NUP160: variants seen among roughly 807,000 people sequenced by gnomAD.
NUP160 encodes nucleoporin 160, also known as nuclear pore complex protein Nup160.
A neutral mutation model predicts 196.9 loss-of-function variants in NUP160; 94 were observed. The ratio of observed to expected loss-of-function variants is 0.48; its 90% confidence interval spans 0.40 to 0.57. NUP160 has a LOEUF of 0.57. NUP160 is among the 20% of genes least tolerant of loss of function. The pLI, the probability that NUP160 is intolerant of heterozygous loss-of-function variation, is 0.00. For synonymous variants in NUP160, 605 were observed against 619.7 expected, an observed-to-expected ratio of 0.98 and a Z score of 0.35; for missense variants, 1,638 against 1,748.3, an observed-to-expected ratio of 0.94 and a Z score of 1.13.
At chr11:47,783,040 A>G (rs549155879) in intron 34 of NUP160, 33 bp downstream of exon 34, 1 of 1,587,032 alleles carries the variant, frequency 6.3e-7, no homozygotes, top group African/African-American at 1.3e-5. Flanking sequence ...AAGTCAAACC[A>G]TTGTAAATTG....
intron 13 of NUP160, among the ~76,000 whole-genome samples, chr11:47,814,070 CAAAAA>C (rs5791787): frequency 1.0e-4 from 4 of 39,862 alleles, no homozygotes; most frequent in Admixed American, 5.3e-4. Flanking sequence ...GACTCTGTCT[CAAAAA>C]AAAAAAAAAA....
chr11:47,807,111 A>G, exon 19 of NUP160: 1 of 1,612,172 alleles, frequency 6.2e-7, no homozygotes, highest in Non-Finnish European at 8.5e-7. Flanking sequence ...TGTTAATTCC[A>G]GTACTGATAA....
chr11:47,779,605 G>A (rs757529113), intron 35 of NUP160: 1 of 517,578 alleles, frequency 1.9e-6, no homozygotes, highest in Non-Finnish European at 3.9e-6. Context: ...TCACTATAAT[G>A]ACTCAAGGAA....
At chr11:47,779,052 T>TGC in exon 36 of NUP160, 1 of 1,301,538 alleles carries the variant, frequency 7.7e-7, no homozygotes, top group Non-Finnish European at 1.1e-6. Context: ...TGTAGGGTAG[T>TGC]CTTAAGTCCT....
At chr11:47,793,071 C>T (rs1737613634) in intron 27 of NUP160, 125 bp from the exon 28 acceptor site, 1 of 673,562 alleles carries the variant, frequency 1.5e-6, no homozygotes, top group African/African-American at 1.9e-5. Context: ...ACTGCAACCT[C>T]CGCCTCCCTG....
At chr11:47,838,635 G>GC (rs985363214) in intron 4 of NUP160, among the ~76,000 whole-genome samples, 19 of 152,040 alleles carry the variant, frequency 1.2e-4, no homozygotes, top group African/African-American at 3.6e-4. Flanking sequence ...TTGAACCTGG[G>GC]GGGGGCGGAG....
rs374499460 is a variant in NUP160 at position 47,826,476 on chromosome 11, C to A, written c.1102-4312G>T. Among the ~76,000 whole-genome samples, 225 of 152,214 alleles carry A rather than the reference C, an allele frequency of 1.5e-3. 4 individuals carry two copies. The South Asian group carries it at 0.045, about 31-fold the overall frequency. ...ACTACTACATTCATTCCCGATCTGA[C>A]CTTTAGAGCAGTGGTTCTCAAAATG... On this transcript the variant is annotated intron_variant, in intron 7 of 35. Transcript: ENST00000378460.
chr11:47,828,146 G>A (rs956573726), intron 7 of NUP160, among the ~76,000 whole-genome samples: 5 of 152,186 alleles, frequency 3.3e-5, no homozygotes, highest in African/African-American at 1.2e-4. Flanking sequence ...TGGGATTACA[G>A]GTGTGAGCCA....
At chr11:47,808,869 A>G (rs1016509790) in intron 17 of NUP160, among the ~76,000 whole-genome samples, 16 of 151,830 alleles carry the variant, frequency 1.1e-4, no homozygotes, top group African/African-American at 3.9e-4. Flanking sequence ...GGGAGGCTGA[A>G]GCAGGCAGAT....
Position 47,789,912 on chromosome 11 carries a change from A to T in NUP160, c.3512-1301T>A, listed in dbSNP as rs1361534202. On this transcript the variant is annotated intron_variant, in intron 29 of 35. Transcript: ENST00000378460. ...GCCTTACTGACAACCTAAACAGTCA[A>T]TTCACACATATTTTGTATTTTATAT... 6.0e-5 allele frequency among the ~76,000 whole-genome samples: 9 copies of T among 151,244 alleles called. No individual in the cohort carries two copies. The East Asian group carries it at 1.4e-3, about 23-fold the overall frequency.
intron 7 of NUP160, among the ~76,000 whole-genome samples, chr11:47,823,405 T>C (rs1851903093): frequency 6.6e-6 from 1 of 152,200 alleles, no homozygotes; most frequent in Non-Finnish European, 1.5e-5. Context: ...TCTCTATAAA[T>C]TTGACTACTC....
chr11:47,841,689 T>C, intron 2 of NUP160: 1 of 298,430 alleles, frequency 3.4e-6, no homozygotes, highest in South Asian at 3.8e-5. Flanking sequence ...TAATTTTTGT[T>C]TGTTTGTTTG....
intron 14 of NUP160, 58 bp from the exon 15 acceptor site, chr11:47,813,105 A>G: frequency 8.1e-7 from 1 of 1,228,972 alleles, no homozygotes; most frequent in Non-Finnish European, 1.2e-6. Context: ...CTATTGATTG[A>G]TATTACATTA....
intron 27 of NUP160, among the ~76,000 whole-genome samples, chr11:47,794,202 A>T (rs1315428766): frequency 1.3e-5 from 2 of 152,224 alleles, no homozygotes; most frequent in Non-Finnish European, 2.9e-5. Flanking sequence ...ACACTTAAAA[A>T]TGGTCAAGAT....
At chr11:47,801,679 A>T in intron 23 of NUP160, 132 bp downstream of exon 23, 1 of 877,742 alleles carries the variant, frequency 1.1e-6, no homozygotes, top group Non-Finnish European at 1.7e-6. Context: ...AGGCAAATTC[A>T]TTTTTTTTAA....
chr11:47,839,676 T>A, intron 4 of NUP160, 167 bp downstream of exon 4: 1 of 638,810 alleles, frequency 1.6e-6, no homozygotes, highest in East Asian at 2.6e-5. Flanking sequence ...TAGTTCCTTA[T>A]CCACTGTATA....
At chr11:47,839,940 A>G (rs769903966) in exon 4 of NUP160, 4 of 1,614,172 alleles carry the variant, frequency 2.5e-6, no homozygotes, top group Non-Finnish European at 2.5e-6. Context: ...GCCAGGCTGT[A>G]GAGGCGGTGG....
chr11:47,798,433 G>C lies in NUP160; in HGVS notation c.2926C>G (p.Pro976Ala), dbSNP rs1286539644. The C allele has an allele frequency of 6.2e-6, 10 of 1,605,586 alleles. No individual in the cohort carries two copies. The Admixed American group carries it at 1.7e-4, about 27-fold the overall frequency. ...GTAGCCAACTGAATAACCAGTTCAG[G>C]CAAACCAATGACATCTAGTAGTCGT... is the stretch of plus-strand genomic sequence containing the variant. Residue 976 changes from proline (P) to alanine (A), a missense_variant, in exon 24 of 36, where the codon CCT (proline) becomes GCT (alanine). By Grantham distance (27) the Pro-to-Ala change is conservative. Around this residue, in one of 3 missense-constraint regions of NUP160, gnomAD observed 1,345 missense variants for 1,470.2 expected, o/e 0.91. Transcript: ENST00000378460.
At chr11:47,841,061 T>C (rs73456971) in intron 2 of NUP160, among the ~76,000 whole-genome samples, 2,558 of 152,274 alleles carry the variant, frequency 0.017, 44 homozygotes, top group African/African-American at 0.047. Flanking sequence ...TGCGCTTACA[T>C]GTATGTGCAA....
Sources: gnomAD v4.1 joint callset for allele counts (sites outside exome capture counted in the v4.1 genomes callset) on GRCh38, gnomAD v4.1.1 for gene constraint, gnomAD v4.1.1 regional missense constraint, MANE v1.5 for transcripts, NCBI Gene and HGNC (gene_info 2026-07-23, HGNC 2026-07-21) for gene names.